The following NEIL3 variants were observed in gnomAD, a reference collection of about 807,000 sequenced individuals.
NEIL3 encodes nei like DNA glycosylase 3, also known as endonuclease 8-like 3.
A neutral mutation model predicts 57.5 loss-of-function variants in NEIL3; 48 were observed. The observed-to-expected ratio is 0.83, with a 90% CI of 0.66 to 1.06. The LOEUF (loss-of-function observed/expected upper bound fraction) is 1.06, where lower values mean the gene tolerates loss of function less well. NEIL3 is among the 50% of genes least tolerant of loss of function. NEIL3 has a pLI of 0.00. For missense variants in NEIL3, 717 were observed against 739.1 expected (o/e 0.97, Z 0.35); for synonymous variants, 261 against 253.2 (o/e 1.03, Z -0.29).
chr4:177,336,197 A>G lies in NEIL3; in HGVS notation c.503A>G (p.Glu168Gly), dbSNP rs1290674205. The G allele has an allele frequency of 6.2e-7, 1 of 1,614,032 alleles. No individual in the cohort carries two copies. The highest frequency in any genetic ancestry group is 1.1e-5 in the South Asian group (1 of 91,080). ...TTTAGTTTCTTGAGAGCAGAAAGTGAAGTTAAAAAACAGAAAGGCCGGATG... is the reference window on the plus strand; with the variant it reads ...TTTAGTTTCTTGAGAGCAGAAAGTGGAGTTAAAAAACAGAAAGGCCGGATG... Reference protein sequence around the residue: ...PEFSFLRAESEVKKQKGRMLG... With the variant: ...PEFSFLRAESGVKKQKGRMLG... The change falls in exon 4 of 10, where the codon GAA becomes GGA. Residue 168 changes from glutamate to glycine, a missense_variant. Coordinates refer to ENST00000264596, the MANE Select transcript of NEIL3 (RefSeq NM_018248.3).
At chr4:177,361,372 ACT>A (rs1406325351) in intron 9 of NEIL3, among the ~76,000 whole-genome samples, 3 of 152,242 alleles carry the variant, frequency 2.0e-5, no homozygotes, top group Non-Finnish European at 4.4e-5. Context: ...CTGGAATAGA[ACT>A]GAAAAAAGAA....
At chr4:177,348,004 G>A (rs1377510372) in intron 6 of NEIL3, among the ~76,000 whole-genome samples, 2 of 152,130 alleles carry the variant, frequency 1.3e-5, no homozygotes, top group Non-Finnish European at 2.9e-5. Flanking sequence ...GGCTAGATGA[G>A]AAAACTTTTA....
intron 4 of NEIL3, among the ~76,000 whole-genome samples, chr4:177,339,025 C>A (rs1198607502): frequency 6.6e-6 from 1 of 152,072 alleles, no homozygotes; most frequent in Non-Finnish European, 1.5e-5. Flanking sequence ...CAAAATATAA[C>A]TACTGTTAAT....
At chr4:177,364,780 T>C (rs1418433654), downstream of NEIL3, among the ~76,000 whole-genome samples, 1 of 151,930 alleles carries the variant, frequency 6.6e-6, no homozygotes, top group African/African-American at 2.4e-5. Flanking sequence ...ATACAAAAAT[T>C]AGCTGGGCGT....
chr4:177,334,774 C>CA (rs1474101713), intron 2 of NEIL3, among the ~76,000 whole-genome samples: 5 of 152,154 alleles, frequency 3.3e-5, no homozygotes, highest in African/African-American at 1.2e-4. Context: ...AAGCACAGAG[C>CA]AGTAGCATTC....
At chr4:177,333,146 CT>C (rs1218344695) in intron 2 of NEIL3, among the ~76,000 whole-genome samples, 1 of 151,944 alleles carries the variant, frequency 6.6e-6, no homozygotes, top group Non-Finnish European at 1.5e-5. Context: ...CCTTAGGACA[CT>C]TCTGACCACT....
downstream of NEIL3, among the ~76,000 whole-genome samples, chr4:177,365,102 G>A (rs1735676766): frequency 6.6e-6 from 1 of 152,052 alleles, no homozygotes; most frequent in Non-Finnish European, 1.5e-5. Flanking sequence ...ATAACTATGA[G>A]AAAAAAATCA....
rs1560913492 is a variant in NEIL3, at chr4:177,335,810, C to A, written c.401C>A (p.Ser134Ter). 2 of 1,547,590 alleles carry A rather than the reference C, an allele frequency of 1.3e-6. No individual in the cohort carries two copies. The highest frequency in any genetic ancestry group is 1.7e-6 in the Non-Finnish European group (2 of 1,152,986). The change falls in exon 3 of 10, where the codon TCA (serine) becomes TAA (stop). Residue 134 changes from serine to a stop codon, truncating the protein, a stop_gained. Transcript: ENST00000264596. LOFTEE classifies it high-confidence loss of function. ...TKDLICFFDSSVELRNSMESQ... is the reference protein window; with the variant it reads ...TKDLICFFDS ...GATTTGATTTGTTTCTTTGACTCATCAGTAGAACTCAGGTAAAAAAAATTA... is the reference window on the plus strand; with the variant it reads ...GATTTGATTTGTTTCTTTGACTCATAAGTAGAACTCAGGTAAAAAAAATTA...
intron 6 of NEIL3, among the ~76,000 whole-genome samples, chr4:177,351,160 T>A (rs1735340300): frequency 1.6e-5 from 2 of 123,816 alleles, no homozygotes; most frequent in Non-Finnish European, 3.1e-5. Flanking sequence ...ACTATAATGG[T>A]GCCACTACGC....
intron 4 of NEIL3, among the ~76,000 whole-genome samples, chr4:177,337,404 A>C (rs890529659): frequency 1.3e-5 from 2 of 152,208 alleles, no homozygotes; most frequent in African/African-American, 2.4e-5. Flanking sequence ...AGTTTTAGTA[A>C]TACCCAAATC....
chr4:177,352,721 T>C (rs1393772834), intron 7 of NEIL3, among the ~76,000 whole-genome samples: 1 of 151,880 alleles, frequency 6.6e-6, no homozygotes, highest in Non-Finnish European at 1.5e-5. Context: ...TCCCAGCTAC[T>C]CGGGAGTTTG....
intron 1 of NEIL3, among the ~76,000 whole-genome samples, chr4:177,319,866 G>T (rs919477018): frequency 1.1e-4 from 16 of 152,128 alleles, no homozygotes; most frequent in Admixed American, 8.5e-4. Context: ...ATTTCACAGG[G>T]TATGGCTAAA....
chr4:177,318,714 T>G (rs1362497243), intron 1 of NEIL3, among the ~76,000 whole-genome samples: 1 of 152,224 alleles, frequency 6.6e-6, no homozygotes, highest in Non-Finnish European at 1.5e-5. Context: ...TGCAACCCGT[T>G]GCACCCTCCC....
At chr4:177,344,986 ATTTAC>A (rs1334999080) in intron 6 of NEIL3, among the ~76,000 whole-genome samples, 2 of 152,088 alleles carry the variant, frequency 1.3e-5, no homozygotes, top group Non-Finnish European at 2.9e-5. Flanking sequence ...TTTCGTTGTT[ATTTAC>A]TTTATTTATT....
chr4:177,358,909 T>C (rs1480924101), intron 8 of NEIL3, among the ~76,000 whole-genome samples: 2 of 152,238 alleles, frequency 1.3e-5, no homozygotes, highest in Non-Finnish European at 2.9e-5. Context: ...GAATGCATCA[T>C]TTCATTAATT....
rs1055678 is a variant in NEIL3, at chr4:177,362,813, C to T, written c.*342C>T. The stretch of plus-strand genomic sequence containing the variant: ...GTTTTTTTTTTAGGAAAGGATTATG[C>T]GACACAATAAAATAAGATATTCTGT... On this transcript the variant is annotated 3_prime_UTR_variant, in exon 10 of 10. Coordinates refer to ENST00000264596, the MANE Select transcript of NEIL3 (RefSeq NM_018248.3). 22,110 of 160,810 alleles carry T rather than the reference C, an allele frequency of 0.14. 1,942 individuals are homozygous for T. Among genetic ancestry groups the T allele is most frequent in the African/African-American group, 0.25 (10,241 of 41,632 alleles). 10.0% of individuals were successfully genotyped at this position (160,810 alleles called of 1,614,324 possible). A position where few individuals can be genotyped will look rare whatever the true frequency, so the allele number is the denominator to read the frequency against.
At chr4:177,367,950 T>G in the NEIL3 span, among the ~76,000 whole-genome samples, 1 of 152,180 alleles carries the variant, frequency 6.6e-6, no homozygotes, top group Non-Finnish European at 1.5e-5. Flanking sequence ...ATTTTTCAGT[T>G]AAGGAGACTT....
At position 177,360,667 on chromosome 4, in the gene NEIL3, G is replaced by T; in HGVS notation, c.1625G>T (p.Gly542Val). 2 of 1,605,696 alleles carry T rather than the reference G, an allele frequency of 1.2e-6. No homozygotes were observed. The highest frequency in any genetic ancestry group is 1.7e-6 in the Non-Finnish European group (2 of 1,175,850). ...CCTCTACCTAGAGAAGCACAATGTG[G>T]ATTTTTTGAAGTATGTGTAAGATTT... is the stretch of plus-strand genomic sequence containing the variant. The part of the protein sequence containing the change: ...ACPLPREAQC[G>V]FFEWADLSFP... Residue 542 changes from glycine to valine, a missense_variant, in exon 9 of 10, where the codon GGA becomes GTA. Transcript: ENST00000264596.
intron 8 of NEIL3, among the ~76,000 whole-genome samples, chr4:177,356,311 C>T (rs1236561495): frequency 6.6e-6 from 1 of 152,124 alleles, no homozygotes; most frequent in African/African-American, 2.4e-5. Flanking sequence ...GTAATAGGAT[C>T]ATATGATTAA....
Sources: allele counts gnomAD v4.1 joint callset (sites outside exome capture counted in the v4.1 genomes callset), GRCh38; gene constraint gnomAD v4.1.1; transcripts MANE v1.5; gene names NCBI Gene and HGNC (gene_info 2026-07-23, HGNC 2026-07-21).